The following RAB6A variants were observed in gnomAD, a reference collection of about 807,000 sequenced individuals.
RAB6A encodes ras-related protein Rab-6A.
Under a neutral mutation model 32.3 loss-of-function variants are expected in RAB6A, and 8 were observed. That is an observed-to-expected ratio of 0.25 (90% CI 0.15 to 0.45). RAB6A has a LOEUF of 0.45. RAB6A is among the 20% of genes least tolerant of loss of function. RAB6A has a pLI of 1.00. For synonymous variants in RAB6A, 73 were observed against 82.1 expected (o/e 0.89, Z 0.60); for missense variants, 104 against 249.4 (o/e 0.42, Z 3.93).
intron 2 of RAB6A, chr11:73,729,845 C>T (rs74853053): frequency 0.03 from 4,530 of 153,100 alleles, 92 homozygotes; most frequent in Non-Finnish European, 0.046. Flanking sequence ...TACTAGACAA[C>T]CAGGAACAGC....
At chr11:73,721,953 C>A (rs1173625839) in intron 2 of RAB6A, among the ~76,000 whole-genome samples, 6 of 152,012 alleles carry the variant, frequency 3.9e-5, no homozygotes. Flanking sequence ...TGAGTTCTCA[C>A]GAGATCTGAT....
intron 1 of RAB6A, among the ~76,000 whole-genome samples, chr11:73,731,149 T>C (rs911913341): frequency 1.3e-5 from 2 of 152,252 alleles, no homozygotes; most frequent in East Asian, 1.9e-4. Context: ...GAGGCTTAGG[T>C]CCACTTCATC....
At chr11:73,683,518 A>C (rs1466896830) in intron 6 of RAB6A, among the ~76,000 whole-genome samples, 1 of 151,776 alleles carries the variant, frequency 6.6e-6, no homozygotes, top group African/African-American at 2.4e-5. Context: ...TCAGCCTCCC[A>C]AAGTGCTGGG....
chr11:73,690,820 T>C (rs947784152), intron 6 of RAB6A, among the ~76,000 whole-genome samples: 1 of 150,472 alleles, frequency 6.6e-6, no homozygotes, highest in Non-Finnish European at 1.5e-5. Context: ...TAAGTGTCTC[T>C]GGACTCAGCT....
At chr11:73,691,987 A>C (rs1028143914) in intron 6 of RAB6A, among the ~76,000 whole-genome samples, 6 of 151,998 alleles carry the variant, frequency 3.9e-5, no homozygotes, top group African/African-American at 7.3e-5. Flanking sequence ...AAAAAAAAAG[A>C]AAGCAAAAAG....
intron 6 of RAB6A, 134 bp from the exon 7 acceptor site, chr11:73,679,854 C>T (rs1479364442): frequency 8.6e-7 from 1 of 1,168,948 alleles, no homozygotes; most frequent in Admixed American, 2.0e-5. Context: ...CACTTTGGGA[C>T]CCACCCGAGG....
intron 6 of RAB6A, among the ~76,000 whole-genome samples, chr11:73,686,481 G>A (rs1945458235): frequency 6.6e-6 from 1 of 152,134 alleles, no homozygotes; most frequent in South Asian, 2.1e-4. Flanking sequence ...TTGAACCCGG[G>A]AGGCGGGGGT....
At chr11:73,683,856 A>G (rs1473835950) in intron 6 of RAB6A, among the ~76,000 whole-genome samples, 2 of 152,034 alleles carry the variant, frequency 1.3e-5, no homozygotes, top group African/African-American at 4.8e-5. Context: ...ACTGGACTGA[A>G]ATGCCAATTT....
chr11:73,733,958 T>G (rs1209022127), intron 1 of RAB6A, among the ~76,000 whole-genome samples: 1 of 152,196 alleles, frequency 6.6e-6, no homozygotes, highest in African/African-American at 2.4e-5. Flanking sequence ...AAAATCTTTT[T>G]CTCAAAGAGT....
intron 1 of RAB6A, among the ~76,000 whole-genome samples, chr11:73,732,196 ACAAAATGAATG>A (rs1475494886): frequency 6.6e-6 from 1 of 152,194 alleles, no homozygotes; most frequent in East Asian, 1.9e-4. Context: ...GACTCAAAAT[ACAAAATGAATG>A]CAAAAAAAAC....
At chr11:73,755,371 G>A (rs909809724) in intron 1 of RAB6A, among the ~76,000 whole-genome samples, 2 of 151,804 alleles carry the variant, frequency 1.3e-5, no homozygotes, top group African/African-American at 2.4e-5. Flanking sequence ...TTGGCTCACT[G>A]CAACCTCCAC....
rs1238666420 is a variant in RAB6A, at chr11:73,722,305, G to GTGTGTATGTATATATATATA, written c.130-1407_130-1406insTATATATATATACATACACA. The GTGTGTATGTATATATATATA allele has an allele frequency of 5.9e-4, 25 of 42,358 alleles. 2 individuals are homozygous for GTGTGTATGTATATATATATA. Among genetic ancestry groups the GTGTGTATGTATATATATATA allele is most frequent in the African/African-American group, 2.3e-3 (23 of 10,126 alleles). The allele number at this position is 42,358 out of a possible 1,614,324, so 2.6% of individuals were successfully genotyped here. On this transcript the variant is annotated intron_variant, in intron 2 of 7. Coordinates refer to ENST00000336083, the MANE Select transcript of RAB6A (RefSeq NM_198896.2). Reference sequence around the variant, plus strand: ...AAAATTCAAATATATATGTGTGTGTGTATATATATATATATATATATATAT... The same window carrying GTGTGTATGTATATATATATA: ...AAAATTCAAATATATATGTGTGTGTGTGTGTATGTATATATATATATATATATATATATATATATATATAT...
intron 1 of RAB6A, among the ~76,000 whole-genome samples, chr11:73,758,103 AAG>A (rs1258650566): frequency 6.6e-6 from 1 of 151,322 alleles, no homozygotes; most frequent in Admixed American, 6.6e-5. Flanking sequence ...ATAATTCATG[AAG>A]AGTTACATCA....
At chr11:73,726,581 CAAAAAAAA>C (rs60281561) in intron 2 of RAB6A, among the ~76,000 whole-genome samples, 52 of 29,864 alleles carry the variant, frequency 1.7e-3, no homozygotes, top group African/African-American at 6.4e-3. Context: ...GACTCTGTCT[CAAAAAAAA>C]AAAAAAAAAA....
chr11:73,708,035 T>C (rs1044606642), intron 5 of RAB6A, among the ~76,000 whole-genome samples: 4 of 152,252 alleles, frequency 2.6e-5, no homozygotes, highest in Non-Finnish European at 5.9e-5. Context: ...AATTTGCTCC[T>C]ATAATTTATA....
At chr11:73,744,741 C>A (rs1946557726) in intron 1 of RAB6A, among the ~76,000 whole-genome samples, 2 of 152,078 alleles carry the variant, frequency 1.3e-5, no homozygotes, top group Non-Finnish European at 2.9e-5. Context: ...CTTTGGGAGG[C>A]CGAGGCGGGC....
chr11:73,700,605 T>TGG (rs1945727029), intron 6 of RAB6A, among the ~76,000 whole-genome samples: 9 of 3,198 alleles, frequency 2.8e-3, no homozygotes, highest in African/African-American at 6.5e-3. Flanking sequence ...AAAAAGTGTG[T>TGG]GTGTGGGGGG....
intron 6 of RAB6A, among the ~76,000 whole-genome samples, chr11:73,697,001 C>T (rs1182078562): frequency 1.3e-5 from 2 of 152,140 alleles, no homozygotes; most frequent in Non-Finnish European, 2.9e-5. Context: ...TCACTACTGC[C>T]CACATGGTCT....
intron 6 of RAB6A, among the ~76,000 whole-genome samples, chr11:73,706,838 C>T (rs548508180): frequency 3.8e-4 from 58 of 151,970 alleles, no homozygotes; most frequent in Non-Finnish European, 6.2e-4. Context: ...TAAAATTTAC[C>T]GGCCGGGCAT....
Sources: allele counts gnomAD v4.1 joint callset (sites outside exome capture counted in the v4.1 genomes callset), GRCh38; gene constraint gnomAD v4.1.1; transcripts MANE v1.5; gene names NCBI Gene and HGNC (gene_info 2026-07-23, HGNC 2026-07-21).